SPPL2A: variants seen among roughly 807,000 people sequenced by gnomAD.
SPPL2A encodes signal peptide peptidase like 2A, also known as signal peptide peptidase-like 2A.
SPPL2A carries 51 observed loss-of-function variants against 63.8 expected under a neutral mutation model. The ratio of observed to expected loss-of-function variants is 0.80; its 90% CI spans 0.64 to 1.01. The LOEUF (loss-of-function observed/expected upper bound fraction) is 1.01, where lower values mean the gene tolerates loss of function less well. Among genes scored for constraint, SPPL2A ranks in the 50% least tolerant of loss-of-function variants. The probability of loss-of-function intolerance (pLI) is 0.00; values close to 1 mark genes in which losing one functional copy is unlikely to be tolerated. For synonymous variants in SPPL2A, 188 were observed against 205.8 expected (o/e 0.91, Z 0.74); for missense variants, 553 against 622.7 (o/e 0.89, Z 1.19).
At chr15:50,725,754 T>C (rs990043197) in intron 11 of SPPL2A, among the ~76,000 whole-genome samples, 1 of 152,194 alleles carries the variant, frequency 6.6e-6, no homozygotes, top group Non-Finnish European at 1.5e-5. Context: ...AGAAATGGAA[T>C]GATTAACATT....
chr15:50,713,000 A>C (rs1295541944), intron 14 of SPPL2A, among the ~76,000 whole-genome samples: 1 of 151,666 alleles, frequency 6.6e-6, no homozygotes, highest in Non-Finnish European at 1.5e-5. Context: ...TGGATTTCTT[A>C]TTCCCCTACC....
chr15:50,751,205 A>G (rs750141997), intron 1 of SPPL2A, among the ~76,000 whole-genome samples: 1 of 152,238 alleles, frequency 6.6e-6, no homozygotes, highest in Non-Finnish European at 1.5e-5. Context: ...TCATTCAGCT[A>G]TATACTTGGT....
intron 1 of SPPL2A, among the ~76,000 whole-genome samples, chr15:50,750,128 G>C (rs2062895055): frequency 6.6e-6 from 1 of 152,088 alleles, no homozygotes; most frequent in Admixed American, 6.6e-5. Context: ...TTTTGACACA[G>C]AGTCTTGCTC....
intron 5 of SPPL2A, among the ~76,000 whole-genome samples, chr15:50,744,280 C>CA (rs958543393): frequency 2.0e-5 from 3 of 151,822 alleles, no homozygotes; most frequent in South Asian, 2.1e-4. Flanking sequence ...TTTCCAAATA[C>CA]AAAAAATGTT....
chr15:50,756,286 G>C (rs1177290428), intron 1 of SPPL2A, among the ~76,000 whole-genome samples: 2 of 149,900 alleles, frequency 1.3e-5, no homozygotes, highest in African/African-American at 4.9e-5. Flanking sequence ...GCGTGAATCT[G>C]GGAGGCGGAG....
chr15:50,736,230 C>G, intron 7 of SPPL2A, 28 bp from the exon 8 acceptor site: 1 of 1,298,314 alleles, frequency 7.7e-7, no homozygotes. Context: ...ATAGTTAACA[C>G]TGCAGATGAA....
chr15:50,739,886 T>C (rs923379586), intron 5 of SPPL2A, 58 bp from the exon 6 acceptor site: 5 of 1,194,570 alleles, frequency 4.2e-6, no homozygotes, highest in Non-Finnish European at 5.8e-6. Flanking sequence ...ATTTAAAAAA[T>C]TTATCTCTAA....
intron 5 of SPPL2A, among the ~76,000 whole-genome samples, chr15:50,740,130 T>C (rs1372388314): frequency 6.6e-6 from 1 of 152,016 alleles, no homozygotes; most frequent in Admixed American, 6.6e-5. Flanking sequence ...GGCAAAATTG[T>C]TGAAAGAGAT....
chr15:50,760,416 G>A (rs746246368), intron 1 of SPPL2A, among the ~76,000 whole-genome samples: 4 of 151,920 alleles, frequency 2.6e-5, no homozygotes, highest in Non-Finnish European at 4.4e-5. Flanking sequence ...ACCCACCACC[G>A]TGCCCAGCTA....
In SPPL2A at chr15:50,748,146, A is replaced by G. The variant is rs1382872941; in HGVS notation, c.417T>C (p.Phe139=). ...TATCTCTAAAGTCTTTGTAGCTTAT[A>G]AATGCAATCAGTATTTTCACATCAG... ...EFPDVKILIA[F]ISYKDFRDMN... is the part of the protein sequence containing the mutation. Residue 139 remains phenylalanine, a synonymous_variant, in exon 4 of 15, where the codon TTT becomes TTC. Coordinates refer to ENST00000261854, the MANE Select transcript of SPPL2A (RefSeq NM_032802.4). The G allele has an allele frequency of 1.3e-6, 2 of 1,508,754 alleles. No homozygotes were observed. The highest frequency in any genetic ancestry group is 1.8e-6 in the Non-Finnish European group (2 of 1,125,948). 93.5% of individuals were successfully genotyped at this position (1,508,754 alleles called of 1,614,324 possible). A position where few individuals can be genotyped will look rare whatever the true frequency, so the allele number is the denominator to read the frequency against.
chr15:50,725,379 C>T (rs938272044), intron 11 of SPPL2A, 56 bp from the exon 12 acceptor site: 6 of 913,086 alleles, frequency 6.6e-6, no homozygotes, highest in African/African-American at 5.1e-5. Context: ...AAACAGAGGC[C>T]GCCAATGAAC....
At chr15:50,724,833 G>C (rs969566034) in intron 12 of SPPL2A, among the ~76,000 whole-genome samples, 3 of 152,118 alleles carry the variant, frequency 2.0e-5, no homozygotes, top group Non-Finnish European at 4.4e-5. Flanking sequence ...CTTGATCACA[G>C]CCTTGCCTAA....
At chr15:50,721,502 C>T (rs1374318310) in intron 13 of SPPL2A, among the ~76,000 whole-genome samples, 3 of 151,660 alleles carry the variant, frequency 2.0e-5, no homozygotes, top group Non-Finnish European at 4.4e-5. Context: ...ACGATCATGA[C>T]TTACTGCAGC....
In SPPL2A at chr15:50,717,331, C is replaced by T. The variant is rs192285319; in HGVS notation, c.1488+2609G>A. Among the ~76,000 whole-genome samples, 102 of 152,190 alleles carry T rather than the reference C, an allele frequency of 6.7e-4. 1 individual carries two copies. Among genetic ancestry groups the T allele is most frequent in the Admixed American group, 3.5e-3 (54 of 15,278 alleles). ...CTAGGACCAAAGGCATGTGCCACCA[C>T]GCCCAGCAAATTTTTTCTTTTTTGT... On this transcript the variant is annotated intron_variant, in intron 14 of 14. Transcript: ENST00000261854.
intron 9 of SPPL2A, 139 bp from the exon 10 acceptor site, chr15:50,731,178 A>G: frequency 2.1e-6 from 1 of 484,424 alleles, no homozygotes; most frequent in South Asian, 2.6e-5. Context: ...GGTTAATACT[A>G]TGTATAGTTT....
At chr15:50,739,297 G>A (rs1343388006) in intron 6 of SPPL2A, among the ~76,000 whole-genome samples, 1 of 149,994 alleles carries the variant, frequency 6.7e-6, no homozygotes, top group Non-Finnish European at 1.5e-5. Flanking sequence ...TCCTGACTCA[G>A]CCTCTCAAGT....
chr15:50,711,439 G>C (rs553049188), intron 14 of SPPL2A, among the ~76,000 whole-genome samples: 1 of 152,062 alleles, frequency 6.6e-6, no homozygotes, highest in Non-Finnish European at 1.5e-5. Context: ...TCGAACTCCT[G>C]ACCTCAGGCA....
chr15:50,757,324 C>T lies in SPPL2A; in HGVS notation c.67-7578G>A, dbSNP rs367695803. Among the ~76,000 whole-genome samples the T allele has an allele frequency of 5.9e-5, 9 of 152,076 alleles. No individual in the cohort carries two copies. In the East Asian group the frequency reaches 7.7e-4, roughly 13 times the overall value. On this transcript the variant is annotated intron_variant, in intron 1 of 14. Coordinates refer to ENST00000261854, the MANE Select transcript of SPPL2A (RefSeq NM_032802.4). ...GTCTCGATCTCCTGACCTCGTGATC[C>T]GCCCGCCTCGGCCTCCCAAAGTGCT...
intron 12 of SPPL2A, 62 bp from the exon 13 acceptor site, chr15:50,722,263 TAAC>T (rs1171537495): frequency 9.9e-6 from 9 of 909,378 alleles, no homozygotes; most frequent in Admixed American, 1.8e-5. Context: ...ATTCAATTGT[TAAC>T]AATAGTAAGT....
Sources: gnomAD v4.1 joint callset for allele counts (sites outside exome capture counted in the v4.1 genomes callset) on GRCh38, gnomAD v4.1.1 for gene constraint, MANE v1.5 for transcripts, NCBI Gene and HGNC (gene_info 2026-07-23, HGNC 2026-07-21) for gene names.